GABRA3: variants seen among roughly 807,000 people sequenced by gnomAD.
GABRA3 encodes gamma-aminobutyric acid receptor subunit alpha-3.
A neutral mutation model predicts 30.1 loss-of-function variants in GABRA3; 10 were observed. The ratio of observed to expected loss-of-function variants is 0.33; its 90% CI spans 0.20 to 0.56. The LOEUF (loss-of-function observed/expected upper bound fraction) is 0.56, where lower values mean the gene tolerates loss of function less well. Among genes scored for constraint, GABRA3 ranks in the 20% least tolerant of loss-of-function variants. The pLI, the probability that GABRA3 is intolerant of heterozygous loss-of-function variation, is 0.89. For missense variants in GABRA3, 233 were observed against 392.0 expected (o/e 0.59, Z 3.42); for synonymous variants, 151 against 146.8 (o/e 1.03, Z -0.21).
chrX:152,224,044 A>G (rs1796153284), intron 6 of GABRA3, among the ~76,000 whole-genome samples: 1 of 111,438 alleles, frequency 9.0e-6, no homozygotes, highest in Non-Finnish European at 1.9e-5. Context: ...GTTGCACTTA[A>G]TTATTTGGGT....
At chrX:152,199,502 G>A (rs867754319) in intron 7 of GABRA3, among the ~76,000 whole-genome samples, 1 of 21,307 alleles carries the variant, frequency 4.7e-5, no homozygotes, top group Admixed American at 4.0e-4. Flanking sequence ...TCAGAATCTC[G>A]AAAGAACTAA....
intron 1 of GABRA3, among the ~76,000 whole-genome samples, chrX:152,398,364 C>A (rs1311727275): frequency 9.2e-6 from 1 of 108,774 alleles, no homozygotes; most frequent in African/African-American, 3.4e-5. Context: ...GATGACACAG[C>A]AGACCCTAAA....
intron 3 of GABRA3, among the ~76,000 whole-genome samples, chrX:152,313,493 T>C (rs1304682340): frequency 8.9e-6 from 1 of 111,942 alleles, no homozygotes; most frequent in Non-Finnish European, 1.9e-5. Flanking sequence ...GTCTGCCCAG[T>C]CTGCGCTCAG....
rs1054812488 is a variant in GABRA3, at chrX:152,415,831, G to A, written c.-27+35315C>T. Among the ~76,000 whole-genome samples, 5 of 110,536 alleles carry A rather than the reference G, an allele frequency of 4.5e-5. No individual in the cohort carries two copies. The Admixed American group carries it at 4.9e-4, about 11-fold the overall frequency. On this transcript the variant is annotated intron_variant, in intron 1 of 9. Transcript: ENST00000370314. ...ACATTTTAAAGGTAACATTAACTAG[G>A]GCTTTCTCTATTTCACTTAAAATGC...
chrX:152,229,222 A>T (rs1376621604), intron 5 of GABRA3, among the ~76,000 whole-genome samples: 2 of 111,321 alleles, frequency 1.8e-5, no homozygotes, highest in Non-Finnish European at 3.8e-5. Context: ...TCCCCTGAAA[A>T]TGTGGCATTC....
chrX:152,260,535 C>T (rs1160218576), intron 4 of GABRA3, among the ~76,000 whole-genome samples: 1 of 111,629 alleles, frequency 9.0e-6, no homozygotes, highest in Non-Finnish European at 1.9e-5. Flanking sequence ...TGGCTTAGAA[C>T]ATAGGGAGAG....
chrX:152,249,227 G>T (rs1470267106), intron 5 of GABRA3, among the ~76,000 whole-genome samples: 1 of 110,646 alleles, frequency 9.0e-6, no homozygotes, highest in African/African-American at 3.3e-5. Context: ...TTTACTTGTA[G>T]AAACCAGCCA....
chrX:152,297,580 A>G (rs1405348968), intron 3 of GABRA3, among the ~76,000 whole-genome samples: 3 of 112,113 alleles, frequency 2.7e-5, no homozygotes, highest in Non-Finnish European at 3.8e-5. Context: ...AAAGCACTGC[A>G]TCTGATTTTA....
intron 4 of GABRA3, among the ~76,000 whole-genome samples, chrX:152,270,955 T>G (rs1300170159): frequency 9.7e-6 from 1 of 103,456 alleles, no homozygotes; most frequent in Non-Finnish European, 2.0e-5. Context: ...TGGATCTTCC[T>G]AGAGACTTCT....
chrX:152,326,526 C>A (rs191235579), intron 3 of GABRA3, among the ~76,000 whole-genome samples: 1 of 111,701 alleles, frequency 9.0e-6, no homozygotes, highest in Non-Finnish European at 1.9e-5. Flanking sequence ...CTCTACGAGC[C>A]AGAAGAGAGT....
intron 9 of GABRA3, 87 bp downstream of exon 9, chrX:152,189,643 G>T: frequency 3.0e-6 from 2 of 666,176 alleles, no homozygotes; most frequent in Non-Finnish European, 4.7e-6. Flanking sequence ...GCCCTGCCCA[G>T]TTCTTGCAGG....
intron 1 of GABRA3, among the ~76,000 whole-genome samples, chrX:152,413,570 G>A (rs1253640103): frequency 1.8e-5 from 2 of 111,027 alleles, no homozygotes; most frequent in African/African-American, 6.5e-5. Context: ...ATATAATGCA[G>A]AAATATCATT....
intron 9 of GABRA3, among the ~76,000 whole-genome samples, chrX:152,176,460 T>C (rs966156650): frequency 9.0e-6 from 1 of 111,394 alleles, no homozygotes; most frequent in African/African-American, 3.3e-5. Context: ...ATTCAAGTTA[T>C]ATTGTGCACG....
At chrX:152,369,436 CCCCTACTA>C (rs1928765236) in intron 1 of GABRA3, among the ~76,000 whole-genome samples, 1 of 110,935 alleles carries the variant, frequency 9.0e-6, no homozygotes, top group East Asian at 2.8e-4. Context: ...CTAGTCTCAT[CCCCTACTA>C]CCCTCCCGTC....
At chrX:152,274,050 T>C (rs1938997233) in intron 4 of GABRA3, among the ~76,000 whole-genome samples, 1 of 111,099 alleles carries the variant, frequency 9.0e-6, no homozygotes, top group African/African-American at 3.3e-5. Flanking sequence ...ATCATAAAGG[T>C]AGAGCTGTAA....
intron 2 of GABRA3, among the ~76,000 whole-genome samples, chrX:152,347,348 T>C (rs889698672): frequency 1.8e-5 from 2 of 111,468 alleles, no homozygotes; most frequent in African/African-American, 6.5e-5. Flanking sequence ...TTGGGAAGGA[T>C]AGTGGAGTGG....
intron 1 of GABRA3, among the ~76,000 whole-genome samples, chrX:152,436,774 A>G (rs774090086): frequency 2.3e-4 from 26 of 111,646 alleles, no homozygotes; most frequent in African/African-American, 7.8e-4. Flanking sequence ...AAGAACAGAA[A>G]CTACAAAACT....
intron 1 of GABRA3, among the ~76,000 whole-genome samples, chrX:152,449,954 C>T (rs1345626808): frequency 9.0e-6 from 1 of 111,685 alleles, no homozygotes; most frequent in Non-Finnish European, 1.9e-5. Flanking sequence ...ACACTCAGCC[C>T]AGAATCCAAA....
At chrX:152,304,849 A>G (rs1446177876) in intron 3 of GABRA3, among the ~76,000 whole-genome samples, 1 of 111,586 alleles carries the variant, frequency 9.0e-6, no homozygotes, top group African/African-American at 3.3e-5. Context: ...GAAAAATGAC[A>G]TTGGTAGCTT....
Sources: allele counts gnomAD v4.1 joint callset (sites outside exome capture counted in the v4.1 genomes callset), GRCh38; gene constraint gnomAD v4.1.1; transcripts MANE v1.5; gene names NCBI Gene and HGNC (gene_info 2026-07-23, HGNC 2026-07-21).